HECW2: variants seen among roughly 807,000 people sequenced by gnomAD.
HECW2 encodes HECT, C2 and WW domain containing E3 ubiquitin protein ligase 2.
In HECW2, 61 loss-of-function variants were observed where a neutral mutation model predicts 175.2. The ratio of observed to expected loss-of-function variants is 0.35; its 90% CI spans 0.28 to 0.43. The LOEUF (loss-of-function observed/expected upper bound fraction) is 0.43. Among genes scored for constraint, HECW2 ranks in the 20% least tolerant of loss-of-function variants. The pLI, the probability that HECW2 is intolerant of heterozygous loss-of-function variation, is 1.00. For missense variants in HECW2, 1,524 were observed against 2,000.5 expected, an observed-to-expected ratio of 0.76 and a Z score of 4.54; for synonymous variants, 671 against 731.0, an observed-to-expected ratio of 0.92 and a Z score of 1.32.
At chr2:196,202,504 C>T (rs968010211) in intron 28 of HECW2, among the ~76,000 whole-genome samples, 1 of 152,136 alleles carries the variant, frequency 6.6e-6, no homozygotes, top group Admixed American at 6.5e-5. Context: ...GGTTATATAA[C>T]TTGTCTGAGA....
intron 1 of HECW2, among the ~76,000 whole-genome samples, chr2:196,450,289 C>T (rs1696306680): frequency 6.6e-6 from 1 of 152,058 alleles, no homozygotes; most frequent in Non-Finnish European, 1.5e-5. Flanking sequence ...GATAAAAACA[C>T]GGTGCTTAGC....
At chr2:196,552,050 T>G (rs540834427) in intron 1 of HECW2, among the ~76,000 whole-genome samples, 7 of 152,326 alleles carry the variant, frequency 4.6e-5, no homozygotes, top group African/African-American at 1.7e-4. Context: ...ACCCAGAGCC[T>G]ATTAAGACAG....
At chr2:196,211,155 C>T (rs575202940) in intron 28 of HECW2, among the ~76,000 whole-genome samples, 2 of 151,742 alleles carry the variant, frequency 1.3e-5, no homozygotes, top group South Asian at 4.1e-4. Flanking sequence ...ACCCCCATGA[C>T]GATTGCAGCT....
chr2:196,247,596 A>G (rs1195943958), intron 19 of HECW2, among the ~76,000 whole-genome samples: 1 of 152,234 alleles, frequency 6.6e-6, no homozygotes, highest in Admixed American at 6.5e-5. Flanking sequence ...AGTAACAGAC[A>G]CTAGGGAGTT....
chr2:196,414,253 C>G (rs1257561016), intron 2 of HECW2, among the ~76,000 whole-genome samples: 1 of 152,224 alleles, frequency 6.6e-6, no homozygotes, highest in Non-Finnish European at 1.5e-5. Context: ...ACATTTCCCC[C>G]AACAGCACTG....
At chr2:196,335,764 C>G (rs754102725) in intron 3 of HECW2, among the ~76,000 whole-genome samples, 6 of 152,156 alleles carry the variant, frequency 3.9e-5, no homozygotes, top group Non-Finnish European at 8.8e-5. Flanking sequence ...GAGTCACTAT[C>G]CAATAATTCA....
chr2:196,290,569 C>A (rs1690568124), intron 14 of HECW2: 1 of 152,074 alleles, frequency 6.6e-6, no homozygotes, highest in South Asian at 2.1e-4. Flanking sequence ...GAACACAGCT[C>A]CTCATTCATG....
At chr2:196,455,928 C>A (rs922708250) in intron 1 of HECW2, among the ~76,000 whole-genome samples, 1 of 151,432 alleles carries the variant, frequency 6.6e-6, no homozygotes, top group Non-Finnish European at 1.5e-5. Context: ...AATATTGAGC[C>A]CTTTAACTTT....
At chr2:196,379,432 T>C (rs1169815263) in intron 2 of HECW2, among the ~76,000 whole-genome samples, 1 of 152,162 alleles carries the variant, frequency 6.6e-6, no homozygotes, top group Non-Finnish European at 1.5e-5. Flanking sequence ...ATGCCTGTAA[T>C]CCCAGCACTT....
rs558565433 is a variant in HECW2 at position 196,493,095 on chromosome 2, A to G, written c.-35-59637T>C. 7.2e-5 allele frequency: 11 copies of G among 152,318 alleles called. No homozygotes were observed. The East Asian group carries it at 1.5e-3, about 21-fold the overall frequency. 9.4% of individuals were successfully genotyped at this position (152,318 alleles called of 1,614,324 possible). On this transcript the variant is annotated intron_variant, in intron 1 of 28. Coordinates refer to ENST00000644978, the MANE Select transcript of HECW2 (RefSeq NM_001348768.2). ...CGAAATTGGATAACACAGGCTAGAC[A>G]TGGTGGCTCATGCCTGTAATCCGAG...
intron 1 of HECW2, among the ~76,000 whole-genome samples, chr2:196,589,485 G>A (rs771481873): frequency 6.6e-6 from 1 of 152,184 alleles, no homozygotes; most frequent in Non-Finnish European, 1.5e-5. Flanking sequence ...GAATTTTCAT[G>A]TGGTGAACAG....
intron 1 of HECW2, among the ~76,000 whole-genome samples, chr2:196,535,011 C>T (rs896017668): frequency 6.7e-6 from 1 of 150,196 alleles, no homozygotes; most frequent in African/African-American, 2.5e-5. Flanking sequence ...CCAATTTGCA[C>T]GACAAAACGA....
At chr2:196,440,767 A>G (rs747276936) in intron 1 of HECW2, among the ~76,000 whole-genome samples, 7 of 152,208 alleles carry the variant, frequency 4.6e-5, no homozygotes, top group Non-Finnish European at 8.8e-5. Flanking sequence ...AAGCAGGTTA[A>G]TATTCACTAT....
intron 1 of HECW2, among the ~76,000 whole-genome samples, chr2:196,458,882 A>C (rs548313846): frequency 4.0e-5 from 6 of 149,034 alleles, no homozygotes; most frequent in East Asian, 3.9e-4. Context: ...ACAACAACAA[A>C]AAAGATAAGT....
At chr2:196,552,605 AC>A (rs1334648969) in intron 1 of HECW2, among the ~76,000 whole-genome samples, 1 of 152,094 alleles carries the variant, frequency 6.6e-6, no homozygotes, top group African/African-American at 2.4e-5. Flanking sequence ...CACCAGCTCA[AC>A]TCTTCACATA....
intron 1 of HECW2, among the ~76,000 whole-genome samples, chr2:196,490,774 T>C (rs1409288532): frequency 1.3e-5 from 2 of 152,118 alleles, no homozygotes; most frequent in Non-Finnish European, 2.9e-5. Flanking sequence ...TATTCAGCCA[T>C]ATAAAGGAAG....
chr2:196,476,947 C>CAAAA (rs35714216), intron 1 of HECW2, among the ~76,000 whole-genome samples: 7 of 57,386 alleles, frequency 1.2e-4, no homozygotes, highest in Admixed American at 6.2e-4. Flanking sequence ...CCCATCTCCA[C>CAAAA]AAAAAAAAAA....
chr2:196,344,302 T>TA (rs1273780028), intron 2 of HECW2, among the ~76,000 whole-genome samples: 1 of 75,666 alleles, frequency 1.3e-5, no homozygotes, highest in African/African-American at 5.4e-5. Context: ...ACCAAAGGCA[T>TA]AGACCTTGAG....
intron 1 of HECW2, among the ~76,000 whole-genome samples, chr2:196,549,803 A>T (rs1186320399): frequency 6.6e-6 from 1 of 152,258 alleles, no homozygotes. Flanking sequence ...ACTGAAAAAG[A>T]AATGATACTC....
Sources: allele counts gnomAD v4.1 joint callset (sites outside exome capture counted in the v4.1 genomes callset), GRCh38; gene constraint gnomAD v4.1.1; transcripts MANE v1.5; gene names NCBI Gene and HGNC (gene_info 2026-07-23, HGNC 2026-07-21).